ADARB2: variants seen among roughly 807,000 people sequenced by gnomAD.
ADARB2 encodes inactive double-stranded RNA-specific editase B2.
ADARB2 carries 25 observed loss-of-function variants against 62.2 expected under a neutral mutation model. The observed-to-expected ratio is 0.40, with a 90% CI of 0.29 to 0.56. The LOEUF is 0.56. Ranked by LOEUF, ADARB2 falls within the 20% of genes least tolerant of loss-of-function variation. The pLI is 0.43. For missense variants in ADARB2, 1,071 were observed against 1,077.4 expected, an observed-to-expected ratio of 0.99 and a Z score of 0.08; for synonymous variants, 572 against 500.8, an observed-to-expected ratio of 1.14 and a Z score of -1.90.
rs1049948210 is a variant in ADARB2 at position 1,353,077 on chromosome 10, A to C, written c.1077+9951T>G. ...ATCACCTCTCAGTGTTCCATCTGCT[A>C]TTCTACTACTCCTCAGGGATTATTC... On this transcript the variant is annotated intron_variant, in intron 3 of 9. Coordinates refer to ENST00000381312, the MANE Select transcript of ADARB2 (RefSeq NM_018702.4). 1.3e-5 allele frequency among the ~76,000 whole-genome samples: 2 copies of C among 152,116 alleles called. 1 individual carries two copies. Among genetic ancestry groups the C allele is most frequent in the Non-Finnish European group, 2.9e-5 (2 of 68,010 alleles).
chr10:1,711,528 A>C (rs1044971305), intron 1 of ADARB2, among the ~76,000 whole-genome samples: 3 of 152,196 alleles, frequency 2.0e-5, no homozygotes, highest in African/African-American at 7.2e-5. Context: ...AGGATTCCTT[A>C]CTAAGGTGTT....
At chr10:1,387,347 A>T (rs1219108849) in intron 1 of ADARB2, among the ~76,000 whole-genome samples, 1 of 152,000 alleles carries the variant, frequency 6.6e-6, no homozygotes, top group East Asian at 1.9e-4. Flanking sequence ...AATAGGTTTG[A>T]TAAATCTCAA....
intron 1 of ADARB2, among the ~76,000 whole-genome samples, chr10:1,682,319 C>T (rs1834548181): frequency 6.6e-6 from 1 of 152,232 alleles, no homozygotes; most frequent in South Asian, 2.1e-4. Context: ...GGTTTCCTCC[C>T]ATGCTTCTGC....
intron 3 of ADARB2, among the ~76,000 whole-genome samples, chr10:1,313,469 C>G (rs1176134044): frequency 1.3e-5 from 2 of 152,248 alleles, no homozygotes; most frequent in African/African-American, 4.8e-5. Context: ...CAAAATGTGT[C>G]TCTGCCATTC....
chr10:1,559,294 G>T (rs931553864), intron 1 of ADARB2, among the ~76,000 whole-genome samples: 5 of 152,172 alleles, frequency 3.3e-5, no homozygotes, highest in African/African-American at 9.7e-5. Context: ...GGCTGATAAG[G>T]GCTGTGATCA....
intron 4 of ADARB2, among the ~76,000 whole-genome samples, chr10:1,248,125 C>A (rs73592257): frequency 6.6e-6 from 1 of 152,084 alleles, no homozygotes; most frequent in African/African-American, 2.4e-5. Context: ...GCAGCAAAGA[C>A]GCCAGGCGAG....
At chr10:1,594,598 C>T (rs912393837) in intron 1 of ADARB2, among the ~76,000 whole-genome samples, 1 of 152,212 alleles carries the variant, frequency 6.6e-6, no homozygotes, top group Admixed American at 6.5e-5. Context: ...CAGCACAGGG[C>T]CTCAGACAGA....
chr10:1,378,510 T>TA (rs1182684142), intron 2 of ADARB2, among the ~76,000 whole-genome samples: 1 of 152,104 alleles, frequency 6.6e-6, no homozygotes, highest in African/African-American at 2.4e-5. Context: ...GCCCTTTAGG[T>TA]AAGGAAGGGA....
intron 1 of ADARB2, among the ~76,000 whole-genome samples, chr10:1,492,964 A>C (rs1475222720): frequency 6.6e-6 from 1 of 152,220 alleles, no homozygotes; most frequent in Non-Finnish European, 1.5e-5. Context: ...TTGCCGAGCA[A>C]GGCCACACGA....
intron 1 of ADARB2, among the ~76,000 whole-genome samples, chr10:1,442,819 A>G (rs988860558): frequency 3.3e-5 from 5 of 152,200 alleles, no homozygotes; most frequent in Non-Finnish European, 5.9e-5. Flanking sequence ...ACCCAGTATA[A>G]AATAAACAGA....
At chr10:1,675,875 C>T (rs7077743) in intron 1 of ADARB2, 722,740 of 747,654 alleles carry the variant, frequency 0.97, 349,493 homozygotes, top group Admixed American at 0.98. Context: ...AGGCCAGCCT[C>T]AGCTCTGAGT....
chr10:1,678,298 G>T (rs911235164), intron 1 of ADARB2: 2 of 985,076 alleles, frequency 2.0e-6, no homozygotes, highest in African/African-American at 3.5e-5. Flanking sequence ...CTCGGGGTGA[G>T]CATCCTCAGG....
chr10:1,325,348 C>A (rs1416938349), intron 3 of ADARB2, among the ~76,000 whole-genome samples: 1 of 152,200 alleles, frequency 6.6e-6, no homozygotes, highest in African/African-American at 2.4e-5. Flanking sequence ...TCCGCTCCTG[C>A]ACCCCAAGTG....
At chr10:1,263,098 A>C (rs983287459) in intron 4 of ADARB2, among the ~76,000 whole-genome samples, 1 of 130,204 alleles carries the variant, frequency 7.7e-6, no homozygotes, top group Non-Finnish European at 1.6e-5. Context: ...ACATGGACAC[A>C]GGAAGGGGAA....
intron 8 of ADARB2, among the ~76,000 whole-genome samples, chr10:1,192,745 C>T (rs1472572354): frequency 6.6e-6 from 1 of 152,124 alleles, no homozygotes; most frequent in East Asian, 1.9e-4. Context: ...GCCATGACCA[C>T]CCTGGCTAAC....
chr10:1,413,729 G>T (rs998470505), intron 1 of ADARB2, among the ~76,000 whole-genome samples: 1 of 152,194 alleles, frequency 6.6e-6, no homozygotes, highest in Non-Finnish European at 1.5e-5. Context: ...GAATCTTACA[G>T]ACTGAGCGCT....
At chr10:1,474,523 C>G (rs1320757766) in intron 1 of ADARB2, among the ~76,000 whole-genome samples, 3 of 152,198 alleles carry the variant, frequency 2.0e-5, no homozygotes, top group Admixed American at 2.0e-4. Flanking sequence ...GGACTGTGAA[C>G]TGAGTGACAC....
chr10:1,713,753 T>C (rs975187390), intron 1 of ADARB2, among the ~76,000 whole-genome samples: 40 of 152,240 alleles, frequency 2.6e-4, no homozygotes, highest in African/African-American at 7.7e-4. Context: ...GTGGGGAACA[T>C]GGAAAGATCA....
chr10:1,374,403 G>A (rs903716229), intron 2 of ADARB2, among the ~76,000 whole-genome samples: 1 of 152,184 alleles, frequency 6.6e-6, no homozygotes, highest in Admixed American at 6.5e-5. Context: ...TACGGTGTCC[G>A]GAATGTGGTG....
Sources: allele counts gnomAD v4.1 joint callset (sites outside exome capture counted in the v4.1 genomes callset), GRCh38; gene constraint gnomAD v4.1.1; transcripts MANE v1.5; gene names NCBI Gene and HGNC (gene_info 2026-07-23, HGNC 2026-07-21).